The following ABLIM1 variants were observed in gnomAD, a reference collection of about 807,000 sequenced individuals.
The protein encoded by ABLIM1 is actin binding LIM protein 1, also known as actin-binding LIM protein 1.
In ABLIM1, 40 loss-of-function variants were observed where a neutral mutation model predicts 107.0. The observed-to-expected ratio is 0.37, with a 90% CI of 0.29 to 0.49. The LOEUF is 0.49. ABLIM1 is among the 20% of genes least tolerant of loss of function. The pLI is 0.97. For synonymous variants in ABLIM1, 357 were observed against 357.3 expected (o/e 1.00, Z 0.01); for missense variants, 857 against 1,008.5 (o/e 0.85, Z 2.04).
chr10:114,491,012 G>GTGTGTGTGTGTGTGTGTATGTATATATA lies in ABLIM1; in HGVS notation c.982+778_982+779insTATATATACATACACACACACACACACA. Among the ~76,000 whole-genome samples, 45 of 92,396 alleles carry GTGTGTGTGTGTGTGTGTATGTATATATA rather than the reference G, an allele frequency of 4.9e-4. 1 individual carries two copies. Among genetic ancestry groups the GTGTGTGTGTGTGTGTGTATGTATATATA allele is most frequent in the African/African-American group, 2.0e-3 (43 of 21,670 alleles). The allele number at this position is 92,396 out of a possible 152,430, so 60.6% of individuals were successfully genotyped here. ...TGTGTGTGTGTGTGTGTGTGTGTGT[G>GTGTGTGTGTGTGTGTGTATGTATATATA]TATATATATATATGGTCTATTTTAT... On this transcript the variant is annotated intron_variant, in intron 7 of 22. Transcript: ENST00000533213.
chr10:114,640,805 A>G (rs1282335211), intron 1 of ABLIM1, among the ~76,000 whole-genome samples: 1 of 152,148 alleles, frequency 6.6e-6, no homozygotes, highest in Non-Finnish European at 1.5e-5. Context: ...AGAAAATAAG[A>G]ACTACTGAGT....
intron 1 of ABLIM1, among the ~76,000 whole-genome samples, chr10:114,650,851 G>A (rs2079206570): frequency 6.6e-6 from 1 of 152,218 alleles, no homozygotes; most frequent in Non-Finnish European, 1.5e-5. Context: ...TGGGTGAGAA[G>A]AAGAGGGGGA....
At chr10:114,747,791 G>C (rs1319887619) in intron 1 of ABLIM1, among the ~76,000 whole-genome samples, 4 of 152,240 alleles carry the variant, frequency 2.6e-5, no homozygotes, top group African/African-American at 7.2e-5. Flanking sequence ...TGTAATCCCA[G>C]CACTTTGGGA....
chr10:114,769,463 GAAAGAAAGAAAGAAAGAGAA>G (rs1230920041), upstream of ABLIM1, among the ~76,000 whole-genome samples: 2 of 76,132 alleles, frequency 2.6e-5, no homozygotes, highest in African/African-American at 8.9e-5. Context: ...AAGAAAGAAA[GAAAGAAAGAAAGAAAGAGAA>G]AGAAAGAAAG....
chr10:114,790,638 T>A, the ABLIM1 span, among the ~76,000 whole-genome samples: 1 of 152,254 alleles, frequency 6.6e-6, no homozygotes, highest in African/African-American at 2.4e-5. Flanking sequence ...ACAGGTCACA[T>A]TTCCCATGAA....
At position 114,432,766 on chromosome 10, in the gene ABLIM1, C is replaced by T. The variant is rs1406884114; in HGVS notation, c.*3494G>A. Reference sequence around the variant, plus strand: ...TTGGGTAGCGGAGTAGATGCTAGAGCCCATGACAGATAGAAAACTACCCCC... The same window carrying T: ...TTGGGTAGCGGAGTAGATGCTAGAGTCCATGACAGATAGAAAACTACCCCC... On this transcript the variant is annotated 3_prime_UTR_variant, in exon 23 of 23. Transcript: ENST00000533213. 6.6e-6 allele frequency: 1 copy of T among 152,046 alleles called. No homozygotes were observed. Among genetic ancestry groups the T allele is most frequent in the Non-Finnish European group, 1.5e-5 (1 of 68,024 alleles). 9.4% of individuals were successfully genotyped at this position (152,046 alleles called of 1,614,324 possible).
chr10:114,547,791 C>A lies in ABLIM1; in HGVS notation c.674-15G>T, dbSNP rs749891718. 6.9e-6 allele frequency: 11 copies of A among 1,604,916 alleles called. No individual in the cohort carries two copies. In the Admixed American group the frequency reaches 1.3e-4, roughly 19 times the overall value. ...GCCGGCACAATCTGAAAAAGAGCAG[C>A]CGCCAGTGGTTACTACACATTTCCT... On this transcript the variant is annotated splice_polypyrimidine_tract_variant and intron_variant, in intron 4 of 22. Coordinates refer to ENST00000533213, the MANE Select transcript of ABLIM1 (RefSeq NM_002313.7).
At chr10:114,658,413 C>T, upstream of ABLIM1, 1 of 818,632 alleles carries the variant, frequency 1.2e-6, no homozygotes, top group Non-Finnish European at 1.7e-6. Context: ...ACAGCCACTA[C>T]CAGGAACTCG....
At chr10:114,510,791 T>C (rs896706121) in intron 6 of ABLIM1, among the ~76,000 whole-genome samples, 4 of 151,730 alleles carry the variant, frequency 2.6e-5, no homozygotes, top group East Asian at 1.9e-4. Context: ...GCTGGGACTA[T>C]AGGCATGCAC....
the ABLIM1 span, among the ~76,000 whole-genome samples, chr10:114,797,391 T>C: frequency 6.6e-6 from 1 of 152,190 alleles, no homozygotes; most frequent in African/African-American, 2.4e-5. Context: ...CTGGAGAAAA[T>C]CACATAACAG....
chr10:114,613,698 G>T, intron 1 of ABLIM1: 1 of 1,323,318 alleles, frequency 7.6e-7, no homozygotes, highest in South Asian at 1.2e-5. Flanking sequence ...GGAGATGAAA[G>T]CATGAGACCT....
intron 1 of ABLIM1, among the ~76,000 whole-genome samples, chr10:114,668,922 T>A (rs1412802677): frequency 6.6e-6 from 1 of 152,202 alleles, no homozygotes; most frequent in Non-Finnish European, 1.5e-5. Flanking sequence ...AGGTGAGAGC[T>A]GAGCCACAGG....
intron 4 of ABLIM1, among the ~76,000 whole-genome samples, chr10:114,562,805 T>C (rs1243498919): frequency 6.6e-6 from 1 of 152,114 alleles, no homozygotes; most frequent in Non-Finnish European, 1.5e-5. Flanking sequence ...TAAATGAACA[T>C]GTGTGTGCTT....
At chr10:114,664,604 T>C (rs1439919919) in intron 1 of ABLIM1, among the ~76,000 whole-genome samples, 2 of 151,850 alleles carry the variant, frequency 1.3e-5, no homozygotes, top group East Asian at 2.0e-4. Flanking sequence ...AGAGCAGTGG[T>C]GCGATCTTGG....
upstream of ABLIM1, among the ~76,000 whole-genome samples, chr10:114,660,795 AG>A (rs751439150): frequency 6.6e-6 from 1 of 152,350 alleles, no homozygotes; most frequent in East Asian, 1.9e-4. Flanking sequence ...GCCACTTTGA[AG>A]GCAGGCTCTG....
intron 1 of ABLIM1, among the ~76,000 whole-genome samples, chr10:114,710,857 C>A (rs182047714): frequency 3.3e-5 from 5 of 152,292 alleles, no homozygotes; most frequent in Admixed American, 3.3e-4. Flanking sequence ...CACAAGGGAC[C>A]ATATTTGCAC....
chr10:114,602,296 C>G (rs111400124), intron 1 of ABLIM1, among the ~76,000 whole-genome samples: 1 of 152,074 alleles, frequency 6.6e-6, no homozygotes, highest in African/African-American at 2.4e-5. Context: ...TTGTAATATG[C>G]CTTTATATTG....
chr10:114,470,898 T>C (rs751403519), intron 10 of ABLIM1, among the ~76,000 whole-genome samples: 3 of 152,284 alleles, frequency 2.0e-5, no homozygotes, highest in Middle Eastern at 3.4e-3. Flanking sequence ...CTTTGTTTTG[T>C]TTTTGAGACA....
intron 22 of ABLIM1, 44 bp from the exon 23 acceptor site, chr10:114,436,417 G>T: frequency 6.9e-7 from 1 of 1,450,018 alleles, no homozygotes; most frequent in Non-Finnish European, 9.6e-7. Context: ...CAGTCCTGAT[G>T]GCCACACAAA....
Sources: allele counts gnomAD v4.1 joint callset (sites outside exome capture counted in the v4.1 genomes callset), GRCh38; gene constraint gnomAD v4.1.1; transcripts MANE v1.5; gene names NCBI Gene and HGNC (gene_info 2026-07-23, HGNC 2026-07-21).